The following GRM7 variants were observed in gnomAD, a reference collection of about 807,000 sequenced individuals.
GRM7 encodes the protein metabotropic glutamate receptor 7.
In GRM7, 35 loss-of-function variants were observed where a neutral mutation model predicts 84.5. The ratio of observed to expected loss-of-function variants is 0.41; its 90% confidence interval spans 0.32 to 0.55. The LOEUF (loss-of-function observed/expected upper bound fraction) is 0.55, where lower values mean the gene tolerates loss of function less well. GRM7 is among the 20% of genes least tolerant of loss of function. The probability of loss-of-function intolerance (pLI) is 0.19; values close to 1 mark genes in which losing one functional copy is unlikely to be tolerated. For missense variants in GRM7, 1,003 were observed against 1,194.6 expected (o/e 0.84, Z 2.36); for synonymous variants, 487 against 455.1 (o/e 1.07, Z -0.89).
At chr3:7,160,930 G>A (rs917029783) in intron 2 of GRM7, among the ~76,000 whole-genome samples, 1 of 152,156 alleles carries the variant, frequency 6.6e-6, no homozygotes, top group African/African-American at 2.4e-5. Context: ...TTAGAACAGT[G>A]CCTGGGACAC....
chr3:7,404,918 A>G (rs1010325888), intron 4 of GRM7, among the ~76,000 whole-genome samples: 2 of 152,178 alleles, frequency 1.3e-5, no homozygotes, highest in African/African-American at 4.8e-5. Context: ...TCTAACACCT[A>G]CCATATTTCT....
intron 9 of GRM7, among the ~76,000 whole-genome samples, chr3:7,709,365 T>G (rs1348533772): frequency 6.6e-6 from 1 of 152,114 alleles, no homozygotes; most frequent in Non-Finnish European, 1.5e-5. Flanking sequence ...GTCAATATAT[T>G]CTACACAGTG....
chr3:6,981,187 T>C (rs978431002), intron 1 of GRM7, among the ~76,000 whole-genome samples: 4 of 152,194 alleles, frequency 2.6e-5, no homozygotes, highest in Non-Finnish European at 4.4e-5. Flanking sequence ...ATCTTTTTGA[T>C]ACTTAAATTA....
chr3:7,072,094 G>C (rs1241711940), intron 1 of GRM7, among the ~76,000 whole-genome samples: 1 of 152,058 alleles, frequency 6.6e-6, no homozygotes, highest in African/African-American at 2.4e-5. Context: ...GGTAGTCCTG[G>C]ATCATTCCAG....
chr3:6,973,583 G>A (rs781679897), intron 1 of GRM7, among the ~76,000 whole-genome samples: 10 of 152,144 alleles, frequency 6.6e-5, no homozygotes, highest in Non-Finnish European at 1.5e-4. Context: ...AGGAATGTGG[G>A]TTTCATGACC....
intron 8 of GRM7, among the ~76,000 whole-genome samples, chr3:7,660,704 A>G (rs751379999): frequency 1.8e-4 from 28 of 152,178 alleles, no homozygotes; most frequent in Non-Finnish European, 3.2e-4. Context: ...TCTGAAGAAA[A>G]TGGAAGGCTA....
intron 3 of GRM7, among the ~76,000 whole-genome samples, chr3:7,302,233 ACTG>A (rs1700027130): frequency 6.6e-6 from 1 of 152,170 alleles, no homozygotes; most frequent in Non-Finnish European, 1.5e-5. Context: ...CTCAGAGATA[ACTG>A]CTAATACAAT....
chr3:7,263,933 G>A (rs1372954481), intron 2 of GRM7, among the ~76,000 whole-genome samples: 1 of 152,112 alleles, frequency 6.6e-6, no homozygotes. Flanking sequence ...TGATGTGGGG[G>A]GTGGCCGTGG....
chr3:7,329,334 C>T (rs527404759), intron 4 of GRM7, among the ~76,000 whole-genome samples: 43 of 152,258 alleles, frequency 2.8e-4, no homozygotes, highest in Non-Finnish European at 4.9e-4. Context: ...AACCGTGCCT[C>T]GCCATAAATT....
chr3:7,635,436 A>C (rs929716460), intron 8 of GRM7, among the ~76,000 whole-genome samples: 1 of 152,136 alleles, frequency 6.6e-6, no homozygotes, highest in African/African-American at 2.4e-5. Flanking sequence ...AACCAACCTA[A>C]CTCCTTAATA....
intron 2 of GRM7, among the ~76,000 whole-genome samples, chr3:7,241,875 G>A (rs1351258728): frequency 1.3e-5 from 2 of 152,152 alleles, no homozygotes; most frequent in Non-Finnish European, 2.9e-5. Context: ...AAGGGTCCCA[G>A]TTCTGTTATC....
intron 7 of GRM7, among the ~76,000 whole-genome samples, chr3:7,523,081 T>C (rs965594): frequency 0.4 from 60,760 of 151,802 alleles, 12,459 homozygotes; most frequent in African/African-American, 0.49. Flanking sequence ...ATTTCTGTTG[T>C]TCAAGCAATT....
intron 2 of GRM7, among the ~76,000 whole-genome samples, chr3:7,242,861 G>A (rs918716765): frequency 6.6e-6 from 1 of 152,020 alleles, no homozygotes; most frequent in Non-Finnish European, 1.5e-5. Flanking sequence ...TCCCCTCCTG[G>A]CTGAACAGTA....
At chr3:7,174,407 G>T (rs1202121290) in intron 2 of GRM7, among the ~76,000 whole-genome samples, 2 of 152,192 alleles carry the variant, frequency 1.3e-5, no homozygotes, top group Non-Finnish European at 2.9e-5. Flanking sequence ...ATTTAAAATA[G>T]AATTTTTTTA....
intron 2 of GRM7, among the ~76,000 whole-genome samples, chr3:7,168,678 A>G (rs923993470): frequency 1.3e-5 from 2 of 152,194 alleles, no homozygotes; most frequent in African/African-American, 4.8e-5. Flanking sequence ...CTGTTAATAT[A>G]ATCTAAATAT....
At chr3:7,600,651 G>T (rs538637976) in intron 8 of GRM7, among the ~76,000 whole-genome samples, 11 of 152,184 alleles carry the variant, frequency 7.2e-5, no homozygotes, top group African/African-American at 2.2e-4. Flanking sequence ...ATTTTTAACA[G>T]TTCTTCCTTA....
intron 9 of GRM7, among the ~76,000 whole-genome samples, chr3:7,696,497 T>C (rs1701025064): frequency 6.6e-6 from 1 of 152,156 alleles, no homozygotes; most frequent in South Asian, 2.1e-4. Context: ...AATGTGCATA[T>C]TCACTCATCA....
intron 7 of GRM7, among the ~76,000 whole-genome samples, chr3:7,491,665 C>T (rs1346921597): frequency 6.6e-6 from 1 of 152,116 alleles, no homozygotes; most frequent in East Asian, 1.9e-4. Context: ...ATTCATGTGG[C>T]AGTTGGAGTT....
At chr3:7,648,563 C>T (rs905433266) in intron 8 of GRM7, among the ~76,000 whole-genome samples, 19 of 151,700 alleles carry the variant, frequency 1.3e-4, no homozygotes, top group African/African-American at 4.4e-4. Context: ...GCAGGAGAAT[C>T]GCTTGAACCT....
Sources: allele counts gnomAD v4.1 joint callset (sites outside exome capture counted in the v4.1 genomes callset), GRCh38; gene constraint gnomAD v4.1.1; transcripts MANE v1.5; gene names NCBI Gene and HGNC (gene_info 2026-07-23, HGNC 2026-07-21).